Variants in WDR70 observed in about 807,000 individuals in gnomAD.
WDR70 encodes the protein WD repeat domain 70, also known as WD repeat-containing protein 70.
A neutral mutation model predicts 88.6 loss-of-function variants in WDR70; 53 were observed. That is an observed-to-expected ratio of 0.60 (90% CI 0.48 to 0.75). WDR70 has a LOEUF of 0.75. WDR70 is among the 30% of genes least tolerant of loss of function. The probability of loss-of-function intolerance (pLI) is 0.00; values close to 1 mark genes in which losing one functional copy is unlikely to be tolerated. For missense variants in WDR70, 610 were observed against 823.2 expected (o/e 0.74, Z 3.17); for synonymous variants, 280 against 270.0 (o/e 1.04, Z -0.36).
At chr5:37,517,703 G>T (rs1389009982) in intron 9 of WDR70, among the ~76,000 whole-genome samples, 3 of 140,138 alleles carry the variant, frequency 2.1e-5, no homozygotes, top group Admixed American at 7.5e-5. Context: ...TGAGTATACA[G>T]TAGGTATATA....
At chr5:37,497,059 A>C (rs1740238565) in intron 8 of WDR70, among the ~76,000 whole-genome samples, 1 of 152,220 alleles carries the variant, frequency 6.6e-6, no homozygotes, top group African/African-American at 2.4e-5. Flanking sequence ...TTCCTTGCTC[A>C]GAGGCAGATA....
intron 9 of WDR70, among the ~76,000 whole-genome samples, chr5:37,563,964 G>T (rs1163255790): frequency 1.2e-4 from 17 of 145,184 alleles, no homozygotes; most frequent in African/African-American, 3.7e-4. Context: ...CATCTCAGAC[G>T]ATGGGCGGCC....
intron 10 of WDR70, among the ~76,000 whole-genome samples, chr5:37,647,228 A>C (rs1745265370): frequency 6.6e-6 from 1 of 152,160 alleles, no homozygotes; most frequent in African/African-American, 2.4e-5. Context: ...AAATTATCTC[A>C]ATCTGATTGT....
intron 10 of WDR70, among the ~76,000 whole-genome samples, chr5:37,683,132 C>T (rs1746488084): frequency 6.6e-6 from 1 of 151,996 alleles, no homozygotes; most frequent in African/African-American, 2.4e-5. Context: ...TTTTAAAATC[C>T]ATTTTGTCTG....
At chr5:37,389,817 A>C (rs1212488116) in intron 3 of WDR70, among the ~76,000 whole-genome samples, 1 of 152,146 alleles carries the variant, frequency 6.6e-6, no homozygotes, top group Admixed American at 6.6e-5. Flanking sequence ...CAGAAGACAC[A>C]AAAAAGTCAA....
rs370644704 is a variant in WDR70, at chr5:37,679,943, C to T, written c.1093-17712C>T. 4.2e-3 allele frequency among the ~76,000 whole-genome samples: 644 copies of T among 152,346 alleles called. 8 individuals are homozygous for T. The highest frequency in any genetic ancestry group is 0.015 in the African/African-American group (621 of 41,590). On this transcript the variant is annotated intron_variant, in intron 10 of 17. Transcript: ENST00000265107. The stretch of plus-strand genomic sequence containing the variant: ...CTAAGCAAGCCTGGGCAATGGCGGG[C>T]GCCCCTCCCCCAGCCTCACTGCCAC...
At chr5:37,708,760 A>C (rs1212228036) in intron 13 of WDR70, among the ~76,000 whole-genome samples, 1 of 152,166 alleles carries the variant, frequency 6.6e-6, no homozygotes, top group Non-Finnish European at 1.5e-5. Flanking sequence ...AGGTAATTCA[A>C]ATTAATGGAT....
intron 8 of WDR70, among the ~76,000 whole-genome samples, chr5:37,487,628 T>TATA (rs1491104958): frequency 3.2e-3 from 16 of 5,002 alleles, no homozygotes; most frequent in African/African-American, 6.1e-3. Context: ...TATATATGTA[T>TATA]TTTTTTTTTT....
chr5:37,670,960 C>T (rs1159711293), intron 10 of WDR70, among the ~76,000 whole-genome samples: 1 of 152,116 alleles, frequency 6.6e-6, no homozygotes, highest in Non-Finnish European at 1.5e-5. Context: ...TCCGCATTGT[C>T]CTTCCTACAG....
intron 17 of WDR70, among the ~76,000 whole-genome samples, chr5:37,735,883 C>T (rs941362112): frequency 3.9e-5 from 6 of 152,100 alleles, no homozygotes; most frequent in Non-Finnish European, 5.9e-5. Flanking sequence ...ACAAATGTGC[C>T]TGCCTACACA....
At chr5:37,727,334 G>A (rs1392279760) in intron 17 of WDR70, among the ~76,000 whole-genome samples, 1 of 152,096 alleles carries the variant, frequency 6.6e-6, no homozygotes, top group African/African-American at 2.4e-5. Context: ...ACAAATCACT[G>A]CTTATGTGCA....
chr5:37,585,004 T>TG (rs1743324639), intron 9 of WDR70, among the ~76,000 whole-genome samples: 1 of 148,796 alleles, frequency 6.7e-6, no homozygotes, highest in Admixed American at 6.9e-5. Context: ...CCACTTTTTT[T>TG]TTTGGAGATG....
At chr5:37,621,380 T>A (rs2112505264) in intron 10 of WDR70, among the ~76,000 whole-genome samples, 1 of 152,266 alleles carries the variant, frequency 6.6e-6, no homozygotes, top group South Asian at 2.1e-4. Flanking sequence ...TTTAGTGTAT[T>A]CACAGTGTTG....
At chr5:37,526,988 A>C (rs573576067) in intron 9 of WDR70, among the ~76,000 whole-genome samples, 38 of 152,342 alleles carry the variant, frequency 2.5e-4, no homozygotes, top group African/African-American at 8.9e-4. Flanking sequence ...AGAGGACACA[A>C]AGAAATGGAA....
intron 15 of WDR70, 158 bp from the exon 16 acceptor site, chr5:37,724,776 A>G (rs1223959583): frequency 7.0e-6 from 5 of 714,164 alleles, no homozygotes; most frequent in Non-Finnish European, 1.2e-5. Context: ...GTCTCAAGCA[A>G]AATTGGCTAA....
chr5:37,573,635 G>GT lies in WDR70; in HGVS notation c.918-31423dup, dbSNP rs1581405018. 3.3e-5 allele frequency among the ~76,000 whole-genome samples: 5 copies of GT among 149,908 alleles called. No individual in the cohort carries two copies. In the South Asian group the frequency reaches 8.4e-4, roughly 25 times the overall value. ...TATGAATGAGAACATGCGGTGTTTG[G>GT]TTTTTTGTCCTTGCGATAGTGCCTC... is the stretch of plus-strand genomic sequence containing the variant. On this transcript the variant is annotated intron_variant, in intron 9 of 17. Transcript: ENST00000265107.
intron 5 of WDR70, among the ~76,000 whole-genome samples, chr5:37,434,812 G>A (rs1750420421): frequency 6.6e-6 from 1 of 152,194 alleles, no homozygotes; most frequent in East Asian, 1.9e-4. Context: ...CTCTTGTTAT[G>A]AATTCTGGTA....
intron 5 of WDR70, among the ~76,000 whole-genome samples, chr5:37,414,448 A>T (rs1030975623): frequency 2.6e-5 from 4 of 152,070 alleles, no homozygotes; most frequent in African/African-American, 9.7e-5. Context: ...CTCAAGTGTT[A>T]CCTTCTCTGT....
At chr5:37,614,689 A>G (rs140529619) in intron 10 of WDR70, among the ~76,000 whole-genome samples, 1 of 152,330 alleles carries the variant, frequency 6.6e-6, no homozygotes, top group African/African-American at 2.4e-5. Context: ...TATGGTCCTC[A>G]AAGCCTAAGA....
Sources: allele counts gnomAD v4.1 joint callset (sites outside exome capture counted in the v4.1 genomes callset), GRCh38; gene constraint gnomAD v4.1.1; transcripts MANE v1.5; gene names NCBI Gene and HGNC (gene_info 2026-07-23, HGNC 2026-07-21).